The following USF2 variants were observed in gnomAD, a reference collection of about 807,000 sequenced individuals.
USF2 encodes the protein upstream transcription factor 2, c-fos interacting.
A neutral mutation model predicts 46.9 loss-of-function variants in USF2; 16 were observed. The ratio of observed to expected loss-of-function variants is 0.34; its 90% CI spans 0.23 to 0.52. The LOEUF is 0.52. Ranked by LOEUF, USF2 falls within the 20% of genes least tolerant of loss-of-function variation. USF2 has a pLI of 0.96. For synonymous variants in USF2, 239 were observed against 194.1 expected (o/e 1.23, Z -1.92); for missense variants, 411 against 474.0 (o/e 0.87, Z 1.23).
At chr19:35,270,425 C>T (rs753926910) in intron 4 of USF2, 22 bp from the exon 5 acceptor site, 8 of 1,603,740 alleles carry the variant, frequency 5.0e-6, no homozygotes, top group African/African-American at 1.3e-5. Flanking sequence ...CTAAGGGTAG[C>T]CTCTGCCCTC....
At chr19:35,270,275 C>A (rs1040122100) in intron 4 of USF2, 172 bp from the exon 5 acceptor site, 145 of 1,051,052 alleles carry the variant, frequency 1.4e-4, no homozygotes, top group Non-Finnish European at 1.9e-4. Flanking sequence ...TGATCGCTGA[C>A]CTCCCGCCAT....
rs756210726 is a variant in USF2 at position 35,270,373 on chromosome 19, C to T, written c.430-74C>T. On this transcript the variant is annotated intron_variant, in intron 4 of 9. Coordinates refer to ENST00000222305, the MANE Select transcript of USF2 (RefSeq NM_003367.4). ...TAATTGCAGAGAATGCAGTAAACCC[C>T]AAGCACAGCAATGAGGGGACGGGAT... The T allele has an allele frequency of 5.1e-6, 8 of 1,557,906 alleles. No individual in the cohort carries two copies. In the Admixed American group the frequency reaches 1.5e-4, roughly 29 times the overall value.
chr19:35,273,756 A>G (rs987830045), intron 7 of USF2, among the ~76,000 whole-genome samples: 5 of 152,140 alleles, frequency 3.3e-5, no homozygotes, highest in African/African-American at 9.6e-5. Flanking sequence ...AGGTCTTGCT[A>G]TGCTGCCCAG....
chr19:35,272,508 G>A (rs1436861368), intron 7 of USF2, among the ~76,000 whole-genome samples: 1 of 152,198 alleles, frequency 6.6e-6, no homozygotes, highest in Non-Finnish European at 1.5e-5. Context: ...GTCTGCAGAA[G>A]AGCAGAATTC....
chr19:35,270,139 C>T, intron 4 of USF2, 136 bp downstream of exon 4: 1 of 1,092,606 alleles, frequency 9.2e-7, no homozygotes, highest in Non-Finnish European at 1.2e-6. Context: ...TGCATGGGGC[C>T]AGATCCCTGT....
chr19:35,270,026 G>GT, intron 4 of USF2, 23 bp downstream of exon 4: 3 of 1,345,682 alleles, frequency 2.2e-6, no homozygotes, highest in Non-Finnish European at 2.8e-6. Flanking sequence ...CCACCCCTGG[G>GT]TGGGGGGGGG....
intron 7 of USF2, among the ~76,000 whole-genome samples, chr19:35,276,409 A>G (rs2066234223): frequency 6.6e-6 from 1 of 152,142 alleles, no homozygotes. Flanking sequence ...CTTCTGTGGA[A>G]TGAACGTGGC....
rs1160295199 is a variant in USF2, at chr19:35,269,016, C to G, written c.-86C>G. 2.4e-5 allele frequency: 3 copies of G among 127,270 alleles called. No homozygotes were observed. Among genetic ancestry groups the G allele is most frequent in the Non-Finnish European group, 5.2e-5 (3 of 57,708 alleles). 7.9% of individuals were successfully genotyped at this position (127,270 alleles called of 1,614,324 possible). On this transcript the variant is annotated 5_prime_UTR_variant, in exon 1 of 10. Coordinates refer to ENST00000222305, the MANE Select transcript of USF2 (RefSeq NM_003367.4). Reference sequence around the variant, plus strand: ...GCGTGAGCGCCGGGCTCGGGGCCCCCCCGGCCGCCCGCCCCCTCCCCTCCC... The same window carrying G: ...GCGTGAGCGCCGGGCTCGGGGCCCCGCCGGCCGCCCGCCCCCTCCCCTCCC...
In USF2 at chr19:35,279,440, C is replaced by A; in HGVS notation, c.*184C>A. On this transcript the variant is annotated 3_prime_UTR_variant, in exon 10 of 10. Coordinates refer to ENST00000222305, the MANE Select transcript of USF2 (RefSeq NM_003367.4). ...ATACAGTGCCCACCGCCCTCCTCCACTTGGAAACGGTATCCTCCCTGCCCA... is the reference window on the plus strand; with the variant it reads ...ATACAGTGCCCACCGCCCTCCTCCAATTGGAAACGGTATCCTCCCTGCCCA... 1 of 640,286 alleles carries A rather than the reference C, an allele frequency of 1.6e-6. No homozygotes were observed. The highest frequency in any genetic ancestry group is 2.5e-6 in the Non-Finnish European group (1 of 405,166). 39.7% of individuals were successfully genotyped at this position (640,286 alleles called of 1,614,324 possible). A position where few individuals can be genotyped will look rare whatever the true frequency, so the allele number is the denominator to read the frequency against.
rs2066282005 is a variant in USF2 at position 35,279,511 on chromosome 19, A to G, written c.*255A>G. 2 of 469,688 alleles carry G rather than the reference A, an allele frequency of 4.3e-6. No individual in the cohort carries two copies. The highest frequency in any genetic ancestry group is 7.7e-5 in the South Asian group (2 of 25,956). The allele number at this position is 469,688 out of a possible 1,614,324, so 29.1% of individuals were successfully genotyped here. A position where few individuals can be genotyped will look rare whatever the true frequency, so the allele number is the denominator to read the frequency against. On this transcript the variant is annotated 3_prime_UTR_variant, in exon 10 of 10. Coordinates refer to ENST00000222305, the MANE Select transcript of USF2 (RefSeq NM_003367.4). ...CTCCCGGCCCTCACTAAGCCCCGGC[A>G]CTTCTAGTGGTCTCACCTGGAGGCA...
At chr19:35,273,692 G>A (rs1234484380) in intron 7 of USF2, among the ~76,000 whole-genome samples, 1 of 152,146 alleles carries the variant, frequency 6.6e-6, no homozygotes, top group Non-Finnish European at 1.5e-5. Flanking sequence ...TGAGTGGCTG[G>A]GACCACAGGC....
chr19:35,270,795 C>A lies in USF2; in HGVS notation c.658C>A (p.Pro220Thr). 6.2e-7 allele frequency: 1 copy of A among 1,614,078 alleles called. No homozygotes were observed. Among genetic ancestry groups the A allele is most frequent in the Non-Finnish European group, 8.5e-7 (1 of 1,180,020 alleles). Residue 220 changes from proline to threonine, a missense_variant, in exon 6 of 10, where the codon CCT (proline) becomes ACT (threonine). Pro to Thr is a conservative substitution (Grantham distance 38). This residue lies in a region of USF2 where 318 missense variants were observed against 322.4 expected (regional missense o/e 0.99). Transcript: ENST00000222305. ...TQRTIAPRTH[P>T]YSPKIDGTRT... ...GAGGACGATCGCCCCCCGGACACAC[C>A]CTTACTCTCCGTATGTGCAGGGGAC...
Position 35,270,547 on chromosome 19 carries a change from A to G in USF2, c.530A>G (p.Asp177Gly). ...TATTTCCCAGCGTCCAGTGTGGGAG[A>G]TACTACGGCTGTGTCCGTACAGACC... ...FAYFPASSVG[D>G]TTAVSVQTTD... The change falls in exon 5 of 10, where the codon GAT (aspartate) becomes GGT (glycine). Residue 177 changes from aspartate to glycine, a missense_variant. Coordinates refer to ENST00000222305, the MANE Select transcript of USF2 (RefSeq NM_003367.4). 1.9e-6 allele frequency: 3 copies of G among 1,614,116 alleles called. No homozygotes were observed. Among genetic ancestry groups the G allele is most frequent in the South Asian group, 2.2e-5 (2 of 91,086 alleles).
intron 1 of USF2, 60 bp downstream of exon 1, chr19:35,269,223 T>G: frequency 1.1e-6 from 1 of 949,404 alleles, no homozygotes; most frequent in South Asian, 4.9e-5. Context: ...CCCCGCGGCC[T>G]GCAGGCCGGG....
At chr19:35,270,269 C>T (rs2066131279) in intron 4 of USF2, 178 bp from the exon 5 acceptor site, 28 of 1,007,558 alleles carry the variant, frequency 2.8e-5, no homozygotes, top group Non-Finnish European at 3.8e-5. Flanking sequence ...AGCAAGTGAT[C>T]GCTGACCTCC....
intron 2 of USF2, 21 bp downstream of exon 2, chr19:35,269,513 C>T (rs766826141): frequency 1.3e-6 from 2 of 1,540,654 alleles, no homozygotes; most frequent in Admixed American, 2.0e-5. Context: ...GCCGGGCCGG[C>T]CGCGCCCGGG....
chr19:35,270,823 C>G lies in USF2; in HGVS notation c.668+18C>G. Reference sequence around the variant, plus strand: ...TACTCTCCGTATGTGCAGGGGACACCTGGAGGGCCTGGTGTTGAAATGGAA... The same window carrying G: ...TACTCTCCGTATGTGCAGGGGACACGTGGAGGGCCTGGTGTTGAAATGGAA... On this transcript the variant is annotated intron_variant, in intron 6 of 9. Transcript: ENST00000222305. 1.2e-6 allele frequency: 2 copies of G among 1,613,896 alleles called. No individual in the cohort carries two copies. Among genetic ancestry groups the G allele is most frequent in the Non-Finnish European group, 1.7e-6 (2 of 1,179,856 alleles).
intron 4 of USF2, 21 bp from the exon 5 acceptor site, chr19:35,270,426 C>A (rs751960429): frequency 2.5e-6 from 4 of 1,604,920 alleles, no homozygotes; most frequent in Non-Finnish European, 3.4e-6. Context: ...TAAGGGTAGC[C>A]TCTGCCCTCC....
chr19:35,272,838 G>A (rs2145575089), intron 7 of USF2, among the ~76,000 whole-genome samples: 1 of 152,176 alleles, frequency 6.6e-6, no homozygotes, highest in African/African-American at 2.4e-5. Context: ...GTGCATCTGA[G>A]CTTGGTTTTG....
Sources: allele counts gnomAD v4.1 joint callset (sites outside exome capture counted in the v4.1 genomes callset), GRCh38; gene constraint gnomAD v4.1.1; regional missense constraint gnomAD v4.1.1; transcripts MANE v1.5; gene names NCBI Gene and HGNC (gene_info 2026-07-23, HGNC 2026-07-21).